Variants in CATSPERB observed in about 807,000 individuals in gnomAD.
CATSPERB encodes the protein catsper channel auxiliary subunit beta.
CATSPERB carries 93 observed loss-of-function variants against 128.3 expected under a neutral mutation model. That is an observed-to-expected ratio of 0.72 (90% CI 0.61 to 0.86). The LOEUF is 0.86. Among genes scored for constraint, CATSPERB ranks in the 40% least tolerant of loss-of-function variants. CATSPERB has a pLI of 0.00. For synonymous variants in CATSPERB, 381 were observed against 448.8 expected (o/e 0.85, Z 1.91); for missense variants, 1,153 against 1,329.5 (o/e 0.87, Z 2.06).
rs3029803 is a variant in CATSPERB at position 91,587,477 on chromosome 14, CTTTTTTTTTTTTTT to C, written c.3058-215_3058-202del. On this transcript the variant is annotated intron_variant, in intron 25 of 26. Transcript: ENST00000256343. ...AAGTGGAGGGATTCAATAGCTGATA[CTTTTTTTTTTTTTT>C]TTTTTTTTTTTTTTAGAATGAGGAG... Among the ~76,000 whole-genome samples the C allele has an allele frequency of 1.6e-4, 16 of 101,546 alleles. No individual in the cohort carries two copies. In the South Asian group the frequency reaches 5.3e-3, roughly 34 times the overall value. The allele number at this position is 101,546 out of a possible 152,430, so 66.6% of individuals were successfully genotyped here.
chr14:91,591,908 G>A lies in CATSPERB; in HGVS notation c.2804C>T (p.Ser935Leu), dbSNP rs1356348990. The stretch of plus-strand genomic sequence containing the variant: ...TGATCTTACTTTTTCCCTGCAATCC[G>A]AGAAAGCAACAGCATGTGAAAACTT... ...DQKFSHAVAF[S>L]DCREKVPRFK... Residue 935 changes from serine to leucine, a missense_variant, in exon 23 of 27, where the codon TCG becomes TTG. Physicochemically the swap from Ser to Leu is moderately radical, Grantham distance 145. Coordinates refer to ENST00000256343, the MANE Select transcript of CATSPERB (RefSeq NM_024764.4). The A allele has an allele frequency of 1.9e-6, 3 of 1,612,260 alleles. No individual in the cohort carries two copies. The highest frequency in any genetic ancestry group is 4.5e-5 in the East Asian group (2 of 44,854).
In CATSPERB at chr14:91,636,529, T is replaced by C; in HGVS notation, c.1638A>G (p.Leu546=). The change falls in exon 17 of 27, where the codon TTA becomes TTG. Residue 546 remains leucine, a synonymous_variant. Coordinates refer to ENST00000256343, the MANE Select transcript of CATSPERB (RefSeq NM_024764.4). ...CATATGCAAAAAAGATAATTTCATCTAAGGAGGTGTGCTGTGGGGCAAGCG... is the reference window on the plus strand; with the variant it reads ...CATATGCAAAAAAGATAATTTCATCCAAGGAGGTGTGCTGTGGGGCAAGCG... ...ETALAPQHTS[L]DEIIFFAYVP... The C allele has an allele frequency of 1.2e-6, 2 of 1,614,030 alleles. No individual in the cohort carries two copies. Among genetic ancestry groups the C allele is most frequent in the South Asian group, 1.1e-5 (1 of 91,076 alleles).
At chr14:91,675,755 G>T (rs1213820046) in intron 11 of CATSPERB, among the ~76,000 whole-genome samples, 1 of 152,030 alleles carries the variant, frequency 6.6e-6, no homozygotes, top group Non-Finnish European at 1.5e-5. Flanking sequence ...GCCTGTCTAA[G>T]CCCCCCACTC....
At position 91,617,690 on chromosome 14, in the gene CATSPERB, G is replaced by C; in HGVS notation, c.2307C>G (p.Asn769Lys). ...EIPLLTVFVGNPNLLEVTAEV... is the reference protein window; with the variant it reads ...EIPLLTVFVGKPNLLEVTAEV... ...CAGCTGTAACTTCCAACAAATTAGG[G>C]TTTCCAACAAACACAGTCAGTAGTG... Residue 769 changes from asparagine to lysine, a missense_variant, in exon 20 of 27, where the codon AAC becomes AAG. Asn to Lys is a moderately conservative substitution (Grantham distance 94). Transcript: ENST00000256343. The C allele has an allele frequency of 6.2e-7, 1 of 1,601,022 alleles. No homozygotes were observed. Among genetic ancestry groups the C allele is most frequent in the East Asian group, 2.3e-5 (1 of 43,490 alleles).
chr14:91,710,864 GT>G (rs1241349883), intron 5 of CATSPERB, among the ~76,000 whole-genome samples: 2 of 152,106 alleles, frequency 1.3e-5, no homozygotes, highest in African/African-American at 4.8e-5. Context: ...TTGCTGTGGT[GT>G]GGTTAGTGAC....
intron 7 of CATSPERB, among the ~76,000 whole-genome samples, chr14:91,695,672 C>A (rs1321086245): frequency 6.6e-6 from 1 of 152,090 alleles, no homozygotes; most frequent in African/African-American, 2.4e-5. Flanking sequence ...CAAAGGGAAG[C>A]CACAGGAGTG....
rs577213858 is a variant in CATSPERB, at chr14:91,660,369, C to T, written c.1288-388G>A. Among the ~76,000 whole-genome samples, 69 of 152,304 alleles carry T rather than the reference C, an allele frequency of 4.5e-4. 1 individual carries two copies. In the South Asian group the frequency reaches 0.014, roughly 31 times the overall value. ...GGGTTTACCCCATATTGACATAATA[C>T]TTCATGTTCTAGGTGTCTGGCAAAT... On this transcript the variant is annotated intron_variant, in intron 14 of 26. Transcript: ENST00000256343.
intron 23 of CATSPERB, among the ~76,000 whole-genome samples, chr14:91,590,138 T>A (rs1327433013): frequency 1.3e-5 from 2 of 152,178 alleles, no homozygotes; most frequent in African/African-American, 4.8e-5. Context: ...ATGAGATAAA[T>A]CACGGAGAAG....
intron 18 of CATSPERB, among the ~76,000 whole-genome samples, chr14:91,624,062 C>A (rs1043422373): frequency 1.3e-5 from 2 of 152,180 alleles, no homozygotes; most frequent in East Asian, 1.9e-4. Flanking sequence ...AAAAAAAAAT[C>A]TTGGGCAGAG....
intron 26 of CATSPERB, among the ~76,000 whole-genome samples, chr14:91,586,561 GAGAGAGAGAA>G (rs1287707099): frequency 2.4e-5 from 3 of 126,262 alleles, no homozygotes; most frequent in African/African-American, 9.9e-5. Flanking sequence ...GAGAGAGAGA[GAGAGAGAGAA>G]AGAGAGAGAG....
chr14:91,610,716 C>G (rs1231475608), intron 20 of CATSPERB, 39 bp from the exon 21 acceptor site: 2 of 1,578,456 alleles, frequency 1.3e-6, no homozygotes, highest in Admixed American at 3.4e-5. Flanking sequence ...TTTAAAGTAA[C>G]TGTTATGGAC....
At chr14:91,693,077 C>T in intron 9 of CATSPERB, 49 bp downstream of exon 9, 1 of 1,205,720 alleles carries the variant, frequency 8.3e-7, no homozygotes, top group African/African-American at 1.5e-5. Flanking sequence ...CTTTTTGTGT[C>T]ACAGAAGATA....
intron 6 of CATSPERB, among the ~76,000 whole-genome samples, chr14:91,707,507 ATATAATCAACTT>A (rs1895752523): frequency 1.3e-5 from 2 of 151,650 alleles, no homozygotes; most frequent in Admixed American, 1.3e-4. Context: ...GAATAAGTAA[ATATAATCAACTT>A]TATAAGCCAT....
At chr14:91,720,607 C>A (rs1896011610) in intron 4 of CATSPERB, among the ~76,000 whole-genome samples, 1 of 151,802 alleles carries the variant, frequency 6.6e-6, no homozygotes, top group African/African-American at 2.4e-5. Flanking sequence ...GAGAGACATC[C>A]ACCCTGTTCA....
At position 91,694,112 on chromosome 14, in the gene CATSPERB, T is replaced by A. The variant is rs547071972; in HGVS notation, c.617-633A>T. 8.3e-4 allele frequency among the ~76,000 whole-genome samples: 10 copies of A among 11,998 alleles called. 1 individual carries two copies. Among genetic ancestry groups the A allele is most frequent in the African/African-American group, 1.8e-3 (10 of 5,688 alleles). The allele number at this position is 11,998 out of a possible 152,430, so 7.9% of individuals were successfully genotyped here. On this transcript the variant is annotated intron_variant, in intron 7 of 26. Transcript: ENST00000256343. ...TTCTATTTGTGAACTGCCATGCACATAAATAATAAAAAAAAATTGTGTGCT... is the reference window on the plus strand; with the variant it reads ...TTCTATTTGTGAACTGCCATGCACAAAAATAATAAAAAAAAATTGTGTGCT...
At position 91,669,126 on chromosome 14, in the gene CATSPERB, T is replaced by G. The variant is rs147991525; in HGVS notation, c.1287+688A>C. Among the ~76,000 whole-genome samples, 1,362 of 152,330 alleles carry G rather than the reference T, an allele frequency of 8.9e-3. 15 individuals are homozygous for G. The highest frequency in any genetic ancestry group is 0.044 in the Middle Eastern group (13 of 294). On this transcript the variant is annotated intron_variant, in intron 14 of 26. Coordinates refer to ENST00000256343, the MANE Select transcript of CATSPERB (RefSeq NM_024764.4). ...ACATTTAGTGTGAAAAACTAAAATA[T>G]GGAAGAGAGTTTTAAGAAGACCTAG...
chr14:91,695,048 T>A (rs1386045370), intron 7 of CATSPERB, among the ~76,000 whole-genome samples: 1 of 152,192 alleles, frequency 6.6e-6, no homozygotes, highest in Non-Finnish European at 1.5e-5. Context: ...TATTATTGTA[T>A]ACTTTTTCCA....
intron 14 of CATSPERB, among the ~76,000 whole-genome samples, chr14:91,661,031 T>C (rs1015449901): frequency 2.0e-5 from 3 of 152,146 alleles, no homozygotes; most frequent in Admixed American, 6.5e-5. Context: ...TGAATACACA[T>C]AGGTGCTTCT....
chr14:91,653,403 C>A (rs1056301609), intron 15 of CATSPERB, among the ~76,000 whole-genome samples: 9 of 152,152 alleles, frequency 5.9e-5, no homozygotes, highest in Admixed American at 2.6e-4. Flanking sequence ...ATCCTGAAGG[C>A]TCTCGGTTAT....
Sources: allele counts gnomAD v4.1 joint callset (sites outside exome capture counted in the v4.1 genomes callset), GRCh38; gene constraint gnomAD v4.1.1; transcripts MANE v1.5; gene names NCBI Gene and HGNC (gene_info 2026-07-23, HGNC 2026-07-21).